The following CSMD3 variants were observed in gnomAD, a reference collection of about 807,000 sequenced individuals.
CSMD3 encodes the protein CUB and Sushi multiple domains 3.
In CSMD3, 177 loss-of-function variants were observed where a neutral mutation model predicts 435.2. That is an observed-to-expected ratio of 0.41 (90% confidence interval 0.36 to 0.46). The LOEUF is 0.46. Ranked by LOEUF, CSMD3 falls within the 20% of genes least tolerant of loss-of-function variation. CSMD3 has a pLI of 0.34. For synonymous variants in CSMD3, 1,656 were observed against 1,520.5 expected (o/e 1.09, Z -2.07); for missense variants, 4,265 against 4,504.6 (o/e 0.95, Z 1.52).
At chr8:112,243,397 T>C (rs771488199) in intron 65 of CSMD3, among the ~76,000 whole-genome samples, 2 of 152,146 alleles carry the variant, frequency 1.3e-5, no homozygotes, top group Non-Finnish European at 2.9e-5. Context: ...ATTTTGTTGA[T>C]GACCTTACCA....
intron 29 of CSMD3, among the ~76,000 whole-genome samples, 163 bp from the exon 30 acceptor site, chr8:112,504,140 A>G (rs1335864515): frequency 2.0e-5 from 3 of 152,164 alleles, no homozygotes; most frequent in Admixed American, 6.5e-5. Context: ...TGGCAACAAC[A>G]TATTTAATAT....
At chr8:112,985,297 G>A (rs957357217) in intron 6 of CSMD3, among the ~76,000 whole-genome samples, 4 of 151,936 alleles carry the variant, frequency 2.6e-5, no homozygotes, top group African/African-American at 2.4e-5. Context: ...AAAAAGGTGC[G>A]GTAGGGGAAA....
rs879815425 is a variant in CSMD3 at position 113,067,813 on chromosome 8, G to A, written c.917+30943C>T. ...CAGTGGTTAATGCATGGTGTGCTTA[G>A]GGTATGAATGAGTTAATATCGCTCT... On this transcript the variant is annotated intron_variant, in intron 5 of 70. Transcript: ENST00000297405. Among the ~76,000 whole-genome samples the A allele has an allele frequency of 5.3e-5, 8 of 152,060 alleles. 1 individual carries two copies. Among genetic ancestry groups the A allele is most frequent in the Admixed American group, 5.2e-4 (8 of 15,252 alleles).
At chr8:112,355,565 G>A (rs1381852980) in intron 38 of CSMD3, among the ~76,000 whole-genome samples, 1 of 152,196 alleles carries the variant, frequency 6.6e-6, no homozygotes, top group African/African-American at 2.4e-5. Flanking sequence ...CGTGCGTGGT[G>A]GCTCATGCCT....
intron 1 of CSMD3, among the ~76,000 whole-genome samples, chr8:113,393,721 A>G (rs1460591718): frequency 6.6e-6 from 1 of 152,154 alleles, no homozygotes; most frequent in African/African-American, 2.4e-5. Flanking sequence ...GATAACAAAA[A>G]TAGTTTTATT....
In CSMD3 at chr8:112,573,604, T is replaced by G. The variant is rs745855238; in HGVS notation, c.3939A>C (p.Ala1313=). ...TTHLLGAFTG[A]SMRGLTLSST... is the part of the protein sequence containing the mutation. ...TACTAAGTGTCAGTCCGCGCATAGA[T>G]GCACCAGTAAAAGCACCTAGTAGAT... Residue 1313 remains alanine (A), a synonymous_variant, in exon 24 of 71, where the codon GCA becomes GCC. Transcript: ENST00000297405. The G allele has an allele frequency of 8.7e-6, 14 of 1,613,290 alleles. No homozygotes were observed. Among genetic ancestry groups the G allele is most frequent in the Non-Finnish European group, 1.1e-5 (13 of 1,179,388 alleles).
At position 113,041,576 on chromosome 8, in the gene CSMD3, G is replaced by A. The variant is rs187668505; in HGVS notation, c.918-22397C>T. Among the ~76,000 whole-genome samples, 908 of 152,162 alleles carry A rather than the reference G, an allele frequency of 6.0e-3. 4 individuals carry two copies. The highest frequency in any genetic ancestry group is 0.019 in the African/African-American group (801 of 41,498). ...CATCAGTTCCAATCTAAAGGGATTTGGAATAGCCTAATTTTGAAGTATATC... is the reference window on the plus strand; with the variant it reads ...CATCAGTTCCAATCTAAAGGGATTTAGAATAGCCTAATTTTGAAGTATATC... On this transcript the variant is annotated intron_variant, in intron 5 of 70. Coordinates refer to ENST00000297405, the MANE Select transcript of CSMD3 (RefSeq NM_198123.2).
chr8:112,592,667 T>C (rs577891257), intron 22 of CSMD3, among the ~76,000 whole-genome samples: 7 of 152,266 alleles, frequency 4.6e-5, no homozygotes, highest in African/African-American at 1.7e-4. Context: ...CTGTCAAAAA[T>C]ATTGACTATT....
At chr8:113,433,520 G>C (rs927158912) in intron 1 of CSMD3, among the ~76,000 whole-genome samples, 1 of 152,236 alleles carries the variant, frequency 6.6e-6, no homozygotes, top group African/African-American at 2.4e-5. Flanking sequence ...CTCTGTGGCA[G>C]GAGTAGTATC....
chr8:112,545,390 G>A (rs1187139603), intron 27 of CSMD3, among the ~76,000 whole-genome samples: 1 of 147,542 alleles, frequency 6.8e-6, no homozygotes, highest in Non-Finnish European at 1.5e-5. Context: ...GGCTGAGGCA[G>A]GAGAATTGCT....
chr8:113,365,506 C>T (rs1667765085), intron 1 of CSMD3, among the ~76,000 whole-genome samples: 1 of 151,956 alleles, frequency 6.6e-6, no homozygotes, highest in Non-Finnish European at 1.5e-5. Flanking sequence ...GAATGAAACT[C>T]AGAACTTAAA....
At chr8:113,043,128 G>C (rs1320260627) in intron 5 of CSMD3, among the ~76,000 whole-genome samples, 1 of 152,122 alleles carries the variant, frequency 6.6e-6, no homozygotes. Context: ...GTTGTCACAC[G>C]AATCTTAAAA....
intron 3 of CSMD3, among the ~76,000 whole-genome samples, chr8:113,187,251 C>T (rs1294246538): frequency 6.6e-6 from 1 of 151,230 alleles, no homozygotes; most frequent in Non-Finnish European, 1.5e-5. Flanking sequence ...TCATGTGATG[C>T]GAATCCAGTT....
intron 11 of CSMD3, among the ~76,000 whole-genome samples, chr8:112,833,417 TAGAAA>T (rs930986210): frequency 1.3e-4 from 20 of 152,136 alleles, no homozygotes; most frequent in South Asian, 4.1e-4. Context: ...TTTTGGTATA[TAGAAA>T]AGAAATTTAT....
At chr8:112,917,594 C>T (rs143660976) in intron 10 of CSMD3, among the ~76,000 whole-genome samples, 49 of 152,022 alleles carry the variant, frequency 3.2e-4, no homozygotes, top group African/African-American at 1.1e-3. Context: ...GCTGCAGCAA[C>T]ACCACACCCA....
chr8:112,853,885 C>CT (rs917399740), intron 11 of CSMD3, among the ~76,000 whole-genome samples: 253 of 150,020 alleles, frequency 1.7e-3, no homozygotes, highest in African/African-American at 4.9e-3. Context: ...TTCTCAGATT[C>CT]TTTTTTTTTT....
intron 13 of CSMD3, among the ~76,000 whole-genome samples, chr8:112,692,955 ATCTATC>A: frequency 6.6e-6 from 1 of 151,802 alleles, no homozygotes; most frequent in East Asian, 1.9e-4. Context: ...CTATCTATCT[ATCTATC>A]TATCTATCTA....
intron 5 of CSMD3, among the ~76,000 whole-genome samples, chr8:113,045,693 C>T (rs956419653): frequency 2.7e-5 from 4 of 149,544 alleles, no homozygotes; most frequent in Non-Finnish European, 6.0e-5. Context: ...ACAGCACACA[C>T]CTCTGCTAAT....
chr8:113,128,927 T>C (rs911922114), intron 4 of CSMD3, among the ~76,000 whole-genome samples: 1 of 152,116 alleles, frequency 6.6e-6, no homozygotes, highest in Non-Finnish European at 1.5e-5. Flanking sequence ...TGATACTTTA[T>C]CAAATTGCAA....
Sources: gnomAD v4.1 joint callset for allele counts (sites outside exome capture counted in the v4.1 genomes callset) on GRCh38, gnomAD v4.1.1 for gene constraint, MANE v1.5 for transcripts, NCBI Gene and HGNC (gene_info 2026-07-23, HGNC 2026-07-21) for gene names.